The following AOPEP variants were observed in gnomAD, a reference collection of about 807,000 sequenced individuals.
AOPEP encodes the protein aminopeptidase O.
AOPEP carries 77 observed loss-of-function variants against 98.1 expected under a neutral mutation model. The observed-to-expected ratio is 0.78, with a 90% CI of 0.65 to 0.95. AOPEP has a LOEUF of 0.95. AOPEP is among the 40% of genes least tolerant of loss of function. AOPEP has a pLI of 0.00. For synonymous variants in AOPEP, 346 were observed against 365.3 expected, an observed-to-expected ratio of 0.95 and a Z score of 0.60; for missense variants, 1,024 against 1,024.7, an observed-to-expected ratio of 1.00 and a Z score of 0.01.
At chr9:95,005,092 G>C in intron 11 of AOPEP, 66 bp from the exon 12 acceptor site, 2 of 833,138 alleles carry the variant, frequency 2.4e-6, no homozygotes, top group Non-Finnish European at 1.5e-6. Flanking sequence ...CCGAGTTAGC[G>C]GGCGCGGGGC....
Position 94,737,211 on chromosome 9 carries a change from T to A in AOPEP, c.-136+10460T>A, listed in dbSNP as rs527438400. On this transcript the variant is annotated intron_variant, in intron 1 of 16. Coordinates refer to ENST00000375315, the MANE Select transcript of AOPEP (RefSeq NM_001193329.3). ...GGCTCAAACTCCTGGGCTCAAGCGA[T>A]CCTTTGCCTCAGCCTCCTGAGTAGC... Among the ~76,000 whole-genome samples the A allele has an allele frequency of 3.3e-5, 5 of 152,260 alleles. No homozygotes were observed. In the South Asian group the frequency reaches 1.0e-3, roughly 32 times the overall value.
intron 5 of AOPEP, among the ~76,000 whole-genome samples, chr9:94,866,623 A>G (rs1187813939): frequency 6.6e-6 from 1 of 152,228 alleles, no homozygotes; most frequent in East Asian, 1.9e-4. Context: ...AAGGCATTAG[A>G]AGAGATTGAT....
chr9:94,842,701 T>C (rs1441870775), intron 5 of AOPEP, among the ~76,000 whole-genome samples: 6 of 152,214 alleles, frequency 3.9e-5, no homozygotes, highest in East Asian at 1.9e-4. Flanking sequence ...GAATTTTCTT[T>C]AGAAATTATT....
intron 6 of AOPEP, among the ~76,000 whole-genome samples, chr9:94,927,967 A>G (rs2054615394): frequency 6.6e-6 from 1 of 152,204 alleles, no homozygotes; most frequent in Non-Finnish European, 1.5e-5. Context: ...TTATGTGCAC[A>G]CAGAATCATC....
chr9:94,824,551 G>A (rs1421040972), intron 5 of AOPEP: 1 of 152,174 alleles, frequency 6.6e-6, no homozygotes, highest in Non-Finnish European at 1.5e-5. Context: ...ATTTTTCCTG[G>A]TTGCTGCATA....
At chr9:94,819,946 C>CTTTTTTTTTTTT (rs11423201) in intron 5 of AOPEP, among the ~76,000 whole-genome samples, 1 of 121,588 alleles carries the variant, frequency 8.2e-6, no homozygotes, top group Non-Finnish European at 1.6e-5. Context: ...TAGTGCAATT[C>CTTTTTTTTTTTT]TTTTTTTTTT....
At chr9:94,983,709 C>G (rs1221135309) in intron 11 of AOPEP, among the ~76,000 whole-genome samples, 5 of 152,152 alleles carry the variant, frequency 3.3e-5, no homozygotes, top group Non-Finnish European at 7.3e-5. Flanking sequence ...TGTCGGTGCA[C>G]AGGTATTTGC....
At chr9:95,048,252 A>G (rs2066012262) in intron 13 of AOPEP, among the ~76,000 whole-genome samples, 1 of 152,132 alleles carries the variant, frequency 6.6e-6, no homozygotes, top group Non-Finnish European at 1.5e-5. Flanking sequence ...ATATGCAAAG[A>G]GAGAAAGTCC....
At chr9:95,108,698 G>C in the AOPEP span, among the ~76,000 whole-genome samples, 2 of 152,170 alleles carry the variant, frequency 1.3e-5, no homozygotes, top group East Asian at 3.8e-4. Context: ...AATTTGAAAA[G>C]AGAAAAAGAA....
chr9:95,042,749 C>T (rs1480371420), intron 13 of AOPEP, among the ~76,000 whole-genome samples: 1 of 152,126 alleles, frequency 6.6e-6, no homozygotes. Flanking sequence ...TCTTGCCTGC[C>T]TTTTCTACTT....
chr9:94,768,593 A>G (rs1172888465), intron 2 of AOPEP, among the ~76,000 whole-genome samples: 1 of 152,198 alleles, frequency 6.6e-6, no homozygotes, highest in Non-Finnish European at 1.5e-5. Flanking sequence ...AGCTGAAGTG[A>G]TTGTTATTCT....
the AOPEP span, among the ~76,000 whole-genome samples, chr9:95,125,526 G>A: frequency 2.6e-4 from 39 of 152,280 alleles, no homozygotes; most frequent in Admixed American, 8.5e-4. Context: ...AAGTGGAGAC[G>A]AAGCTGCTCA....
chr9:95,037,995 T>C (rs931650280), intron 13 of AOPEP, among the ~76,000 whole-genome samples: 2 of 152,030 alleles, frequency 1.3e-5, no homozygotes, highest in African/African-American at 4.8e-5. Flanking sequence ...GTGTGGGAAA[T>C]ACAGTAATGT....
intron 5 of AOPEP, chr9:94,920,416 A>C (rs1042246058): frequency 1.3e-5 from 2 of 152,156 alleles, no homozygotes; most frequent in Non-Finnish European, 2.9e-5. Context: ...TCTTGTCCTT[A>C]AGGGCAATCA....
chr9:94,871,077 TC>T (rs1320784231), intron 5 of AOPEP, among the ~76,000 whole-genome samples: 1 of 152,256 alleles, frequency 6.6e-6, no homozygotes, highest in Non-Finnish European at 1.5e-5. Context: ...GACTCCCAGT[TC>T]CATTCTCTGC....
chr9:95,037,193 A>AT (rs536384773), intron 13 of AOPEP, among the ~76,000 whole-genome samples: 29 of 149,642 alleles, frequency 1.9e-4, no homozygotes, highest in Admixed American at 1.1e-3. Context: ...TTTCAGGATA[A>AT]TTTTTTTTTT....
chr9:94,900,216 G>A (rs2050204134), intron 5 of AOPEP, among the ~76,000 whole-genome samples: 1 of 152,298 alleles, frequency 6.6e-6, no homozygotes, highest in South Asian at 2.1e-4. Flanking sequence ...AATGAGACTG[G>A]GGGTAAAAGG....
At chr9:94,743,520 A>T (rs1385525837) in intron 1 of AOPEP, among the ~76,000 whole-genome samples, 4 of 152,254 alleles carry the variant, frequency 2.6e-5, no homozygotes, top group Non-Finnish European at 5.9e-5. Context: ...GAAAAGTTTG[A>T]TAGATAAACA....
At position 94,887,751 on chromosome 9, in the gene AOPEP, A is replaced by T. The variant is rs544176822; in HGVS notation, c.1365-36235A>T. 2.4e-4 allele frequency among the ~76,000 whole-genome samples: 36 copies of T among 152,324 alleles called. No individual in the cohort carries two copies. The South Asian group carries it at 7.4e-3, about 32-fold the overall frequency. On this transcript the variant is annotated intron_variant, in intron 5 of 16. Transcript: ENST00000375315. ...TCTTTCCTGTCCACGGGCAGACAGGACAGATAGACCTGTGCACAGAGTGGT... is the reference window on the plus strand; with the variant it reads ...TCTTTCCTGTCCACGGGCAGACAGGTCAGATAGACCTGTGCACAGAGTGGT...
Sources: gnomAD v4.1 joint callset for allele counts (sites outside exome capture counted in the v4.1 genomes callset) on GRCh38, gnomAD v4.1.1 for gene constraint, MANE v1.5 for transcripts, NCBI Gene and HGNC (gene_info 2026-07-23, HGNC 2026-07-21) for gene names.